AGBL4: variants seen among roughly 807,000 people sequenced by gnomAD.
The protein encoded by AGBL4 is cytosolic carboxypeptidase 6.
AGBL4 carries 58 observed loss-of-function variants against 66.4 expected under a neutral mutation model. The ratio of observed to expected loss-of-function variants is 0.87; its 90% CI spans 0.71 to 1.09. The LOEUF is 1.09. Among genes scored for constraint, AGBL4 ranks in the 50% least tolerant of loss-of-function variants. AGBL4 has a pLI of 0.00. For synonymous variants in AGBL4, 234 were observed against 222.9 expected (o/e 1.05, Z -0.44); for missense variants, 579 against 631.0 (o/e 0.92, Z 0.88).
At chr1:49,552,391 T>C (rs1449154634) in intron 3 of AGBL4, among the ~76,000 whole-genome samples, 1 of 152,200 alleles carries the variant, frequency 6.6e-6, no homozygotes, top group East Asian at 1.9e-4. Flanking sequence ...TTTGCCCCCC[T>C]GCTCCTCTAG....
chr1:48,694,668 T>G (rs1370619449), intron 6 of AGBL4, among the ~76,000 whole-genome samples: 1 of 152,172 alleles, frequency 6.6e-6, no homozygotes, highest in Non-Finnish European at 1.5e-5. Flanking sequence ...AGGCATTCAT[T>G]CATCCATTTA....
At chr1:48,934,625 C>T (rs1655302847) in intron 5 of AGBL4, among the ~76,000 whole-genome samples, 1 of 152,076 alleles carries the variant, frequency 6.6e-6, no homozygotes, top group African/African-American at 2.4e-5. Flanking sequence ...TTCCTTATCC[C>T]AGGAAAGGGC....
chr1:49,427,714 G>A (rs1408990632), intron 3 of AGBL4, among the ~76,000 whole-genome samples: 6 of 152,202 alleles, frequency 3.9e-5, no homozygotes, highest in Non-Finnish European at 7.3e-5. Flanking sequence ...GGAGCAGCAA[G>A]GTTTATTGTG....
the AGBL4 span, among the ~76,000 whole-genome samples, chr1:48,526,942 G>C: frequency 6.6e-6 from 1 of 152,090 alleles, no homozygotes; most frequent in South Asian, 2.1e-4. Flanking sequence ...ATCCAGGACC[G>C]CTGACTCTAA....
intron 6 of AGBL4, among the ~76,000 whole-genome samples, chr1:48,840,453 T>G (rs1646773429): frequency 6.6e-6 from 1 of 152,210 alleles, no homozygotes; most frequent in Non-Finnish European, 1.5e-5. Flanking sequence ...TGACTTAACA[T>G]GCATGTAAGA....
chr1:49,573,923 C>T (rs546750328), intron 3 of AGBL4, among the ~76,000 whole-genome samples: 57 of 152,146 alleles, frequency 3.7e-4, no homozygotes, highest in Non-Finnish European at 4.9e-4. Flanking sequence ...GTGGCAACAT[C>T]CCCACCCCAA....
intron 5 of AGBL4, among the ~76,000 whole-genome samples, chr1:48,930,838 T>C (rs1039798656): frequency 5.3e-5 from 8 of 152,220 alleles, no homozygotes; most frequent in Non-Finnish European, 1.2e-4. Flanking sequence ...AGTCGTTCTA[T>C]AATGATTTGT....
intron 3 of AGBL4, among the ~76,000 whole-genome samples, chr1:49,437,768 G>GA (rs1447392495): frequency 6.8e-6 from 1 of 147,510 alleles, no homozygotes; most frequent in Non-Finnish European, 1.5e-5. Flanking sequence ...GAAATTATTA[G>GA]AAAAAAATGG....
At chr1:48,825,062 A>G (rs1646396345) in intron 6 of AGBL4, among the ~76,000 whole-genome samples, 1 of 152,240 alleles carries the variant, frequency 6.6e-6, no homozygotes, top group Non-Finnish European at 1.5e-5. Flanking sequence ...GGAGATGCTC[A>G]TGTTAGGCTC....
At chr1:48,655,840 T>C (rs1482155004) in intron 7 of AGBL4, among the ~76,000 whole-genome samples, 1 of 152,254 alleles carries the variant, frequency 6.6e-6, no homozygotes, top group Non-Finnish European at 1.5e-5. Flanking sequence ...GGGTGACCTG[T>C]AGAAAGCCTC....
chr1:48,952,314 T>C (rs1385777522), intron 5 of AGBL4, among the ~76,000 whole-genome samples: 1 of 152,196 alleles, frequency 6.6e-6, no homozygotes, highest in African/African-American at 2.4e-5. Context: ...CTTTACCCTT[T>C]GGAGCTTACA....
At chr1:49,643,853 C>G (rs987186841) in intron 3 of AGBL4, among the ~76,000 whole-genome samples, 1 of 151,538 alleles carries the variant, frequency 6.6e-6, no homozygotes. Flanking sequence ...AGAAAGAAAA[C>G]TGTAACATAT....
At chr1:49,497,890 G>T (rs1570878008) in intron 3 of AGBL4, among the ~76,000 whole-genome samples, 1 of 151,878 alleles carries the variant, frequency 6.6e-6, no homozygotes, top group Non-Finnish European at 1.5e-5. Context: ...TTTAAAATTT[G>T]TTTTTTCAAT....
intron 11 of AGBL4, among the ~76,000 whole-genome samples, chr1:48,542,114 A>G (rs1235570538): frequency 6.6e-6 from 1 of 152,104 alleles, no homozygotes; most frequent in Admixed American, 6.5e-5. Context: ...TTCCTGTGTT[A>G]GTTTGCTGAG....
intron 4 of AGBL4, among the ~76,000 whole-genome samples, chr1:49,077,645 CCAAA>C (rs1189709229): frequency 2.0e-5 from 3 of 151,996 alleles, no homozygotes; most frequent in Non-Finnish European, 4.4e-5. Flanking sequence ...CATTCTTTGA[CCAAA>C]CAGTTTTTCC....
chr1:49,312,608 A>G (rs1343109745), intron 3 of AGBL4, among the ~76,000 whole-genome samples: 4 of 152,068 alleles, frequency 2.6e-5, no homozygotes, highest in Non-Finnish European at 5.9e-5. Context: ...ACCAAAATAT[A>G]CAACATTTCT....
intron 4 of AGBL4, among the ~76,000 whole-genome samples, chr1:49,180,677 A>T (rs1646915228): frequency 6.6e-6 from 1 of 152,220 alleles, no homozygotes; most frequent in Non-Finnish European, 1.5e-5. Flanking sequence ...CCCAAGTAAA[A>T]GCATAGGAGC....
chr1:49,789,792 G>C (rs1644549358), intron 2 of AGBL4, among the ~76,000 whole-genome samples: 1 of 152,030 alleles, frequency 6.6e-6, no homozygotes, highest in African/African-American at 2.4e-5. Flanking sequence ...TCCTCTTCAG[G>C]CTACCATTGA....
At chr1:48,659,980 T>C (rs927990308) in intron 7 of AGBL4, among the ~76,000 whole-genome samples, 29 of 152,240 alleles carry the variant, frequency 1.9e-4, no homozygotes, top group Non-Finnish European at 3.1e-4. Flanking sequence ...GGAGATTTTG[T>C]GGTTTTCCCA....
Sources: allele counts gnomAD v4.1 joint callset (sites outside exome capture counted in the v4.1 genomes callset), GRCh38; gene constraint gnomAD v4.1.1; transcripts MANE v1.5; gene names NCBI Gene and HGNC (gene_info 2026-07-23, HGNC 2026-07-21).